TMCO5A: variants seen among roughly 807,000 people sequenced by gnomAD.
The protein encoded by TMCO5A is transmembrane and coiled-coil domains 5A.
A neutral mutation model predicts 42.3 loss-of-function variants in TMCO5A; 34 were observed. The ratio of observed to expected loss-of-function variants is 0.80; its 90% CI spans 0.61 to 1.07. TMCO5A has a LOEUF of 1.07. TMCO5A is among the 50% of genes least tolerant of loss of function. The pLI is 0.00. For missense variants in TMCO5A, 357 were observed against 327.9 expected (o/e 1.09, Z -0.69); for synonymous variants, 131 against 115.6 (o/e 1.13, Z -0.86).
chr15:38,000,583 G>A, the TMCO5A span, among the ~76,000 whole-genome samples: 1 of 151,594 alleles, frequency 6.6e-6, no homozygotes, highest in African/African-American at 2.4e-5. Flanking sequence ...TGTTTTTCCA[G>A]TTCTTTAAAA....
chr15:37,950,976 A>G (rs1890135237), intron 11 of TMCO5A, 60 bp from the exon 12 acceptor site: 3 of 1,473,108 alleles, frequency 2.0e-6, no homozygotes, highest in African/African-American at 1.4e-5. Flanking sequence ...GGTATGATTT[A>G]TTTTTTGTTC....
chr15:37,979,075 T>C, the TMCO5A span, among the ~76,000 whole-genome samples: 10 of 151,212 alleles, frequency 6.6e-5, no homozygotes, highest in Non-Finnish European at 1.5e-4. Context: ...TCCAATCACC[T>C]CCCACCAGGC....
At chr15:38,025,895 G>A in the TMCO5A span, among the ~76,000 whole-genome samples, 7 of 152,180 alleles carry the variant, frequency 4.6e-5, no homozygotes, top group African/African-American at 1.7e-4. Context: ...TTTATCAGGG[G>A]TTTCTGCTTT....
the TMCO5A span, among the ~76,000 whole-genome samples, chr15:37,972,873 C>T: frequency 6.6e-6 from 1 of 152,080 alleles, no homozygotes; most frequent in South Asian, 2.1e-4. Context: ...TCTACAATGA[C>T]TTTTTTAGGT....
At chr15:38,017,802 T>G in the TMCO5A span, among the ~76,000 whole-genome samples, 3 of 152,090 alleles carry the variant, frequency 2.0e-5, no homozygotes, top group Non-Finnish European at 2.9e-5. Context: ...TATCTCCAAT[T>G]GTAGTCCCTG....
chr15:38,014,476 A>G, the TMCO5A span, among the ~76,000 whole-genome samples: 1 of 152,170 alleles, frequency 6.6e-6, no homozygotes, highest in Admixed American at 6.5e-5. Flanking sequence ...AAATAGAAAT[A>G]CTTTAGCTTA....
chr15:38,026,324 G>T, the TMCO5A span, among the ~76,000 whole-genome samples: 3,243 of 152,218 alleles, frequency 0.021, 134 homozygotes, highest in African/African-American at 0.075. Context: ...TTTGGGGACT[G>T]GATGCAAAGG....
the TMCO5A span, among the ~76,000 whole-genome samples, chr15:37,986,058 A>G: frequency 6.6e-6 from 1 of 152,142 alleles, no homozygotes; most frequent in East Asian, 1.9e-4. Context: ...TGAGTTCTAG[A>G]GAAGTTGGGT....
the TMCO5A span, among the ~76,000 whole-genome samples, chr15:38,010,939 G>T: frequency 1.3e-5 from 2 of 152,082 alleles, no homozygotes; most frequent in Admixed American, 1.3e-4. Flanking sequence ...TAGAGACAGG[G>T]TTTTGCCTTG....
At chr15:37,937,120 A>G (rs1237989389) in intron 4 of TMCO5A, 150 bp downstream of exon 4, 5 of 1,308,824 alleles carry the variant, frequency 3.8e-6, no homozygotes, top group Non-Finnish European at 5.2e-6. Context: ...GTGGAAGGGG[A>G]TGTGTCTGGC....
At chr15:38,036,132 T>G in the TMCO5A span, among the ~76,000 whole-genome samples, 1 of 152,156 alleles carries the variant, frequency 6.6e-6, no homozygotes, top group African/African-American at 2.4e-5. Context: ...CAGCTGGAGC[T>G]CTTCCACTGC....
At chr15:37,963,752 G>T (rs908530047) in intron 11 of TMCO5A, among the ~76,000 whole-genome samples, 4 of 152,096 alleles carry the variant, frequency 2.6e-5, no homozygotes, top group African/African-American at 9.7e-5. Context: ...GTGCATATAT[G>T]TTTAGGATTG....
At chr15:38,013,563 TA>T in the TMCO5A span, among the ~76,000 whole-genome samples, 1 of 152,216 alleles carries the variant, frequency 6.6e-6, no homozygotes, top group Admixed American at 6.5e-5. Flanking sequence ...GCTAATGTGC[TA>T]ACACCTAGGG....
downstream of TMCO5A, among the ~76,000 whole-genome samples, chr15:37,971,570 T>C (rs567188095): frequency 6.6e-6 from 1 of 152,254 alleles, no homozygotes; most frequent in Non-Finnish European, 1.5e-5. Flanking sequence ...GATTTTCTTT[T>C]CTATCACAAT....
At chr15:37,986,623 T>C in the TMCO5A span, among the ~76,000 whole-genome samples, 1 of 152,004 alleles carries the variant, frequency 6.6e-6, no homozygotes, top group African/African-American at 2.4e-5. Context: ...TTTCTCTTTC[T>C]CCCAGTCCCT....
At chr15:38,021,640 A>G in the TMCO5A span, among the ~76,000 whole-genome samples, 1 of 152,216 alleles carries the variant, frequency 6.6e-6, no homozygotes, top group African/African-American at 2.4e-5. Context: ...CACAAGAACC[A>G]CTTGAAATAT....
intron 3 of TMCO5A, 150 bp from the exon 4 acceptor site, chr15:37,936,697 C>G (rs1889525642): frequency 1.6e-6 from 2 of 1,227,092 alleles, no homozygotes. Flanking sequence ...TCAGGCAGGT[C>G]TTCCTGCTTT....
chr15:38,018,728 T>C, the TMCO5A span, among the ~76,000 whole-genome samples: 1 of 151,822 alleles, frequency 6.6e-6, no homozygotes, highest in Non-Finnish European at 1.5e-5. Flanking sequence ...AAGTTTTCTA[T>C]CTTCAGATTA....
At chr15:38,005,988 G>T in the TMCO5A span, among the ~76,000 whole-genome samples, 1 of 152,182 alleles carries the variant, frequency 6.6e-6, no homozygotes, top group South Asian at 2.1e-4. Flanking sequence ...TGAGATAGCT[G>T]CACAGAATGA....
Sources: gnomAD v4.1 joint callset for allele counts (sites outside exome capture counted in the v4.1 genomes callset) on GRCh38, gnomAD v4.1.1 for gene constraint, MANE v1.5 for transcripts, NCBI Gene and HGNC (gene_info 2026-07-23, HGNC 2026-07-21) for gene names.